Variants in PUS7 observed in about 807,000 individuals in gnomAD.
PUS7 encodes pseudouridylate synthase 7 homolog.
PUS7 carries 48 observed loss-of-function variants against 79.8 expected under a neutral mutation model. That is an observed-to-expected ratio of 0.60 (90% CI 0.48 to 0.76). PUS7 has a LOEUF of 0.76. Ranked by LOEUF, PUS7 falls within the 30% of genes least tolerant of loss-of-function variation. The pLI, the probability that PUS7 is intolerant of heterozygous loss-of-function variation, is 0.00. For missense variants in PUS7, 729 were observed against 797.6 expected, an observed-to-expected ratio of 0.91 and a Z score of 1.04; for synonymous variants, 286 against 272.2, an observed-to-expected ratio of 1.05 and a Z score of -0.50.
chr7:105,514,663 CA>C (rs1825825005), intron 1 of PUS7, among the ~76,000 whole-genome samples: 1 of 152,090 alleles, frequency 6.6e-6, no homozygotes, highest in Non-Finnish European at 1.5e-5. Flanking sequence ...TTGGAATCCC[CA>C]AAACACTTTT....
At chr7:105,499,424 T>G (rs1447064893) in intron 5 of PUS7, among the ~76,000 whole-genome samples, 1 of 152,162 alleles carries the variant, frequency 6.6e-6, no homozygotes, top group Admixed American at 6.5e-5. Context: ...CCTGTACCTA[T>G]CACATGGCAG....
intron 1 of PUS7, among the ~76,000 whole-genome samples, chr7:105,509,808 C>A (rs6957192): frequency 0.14 from 20,863 of 152,002 alleles, 1,857 homozygotes; most frequent in South Asian, 0.26. Flanking sequence ...AAAACATTAA[C>A]AGCAATGAAA....
At chr7:105,474,560 A>C (rs1454344886) in intron 9 of PUS7, among the ~76,000 whole-genome samples, 1 of 151,212 alleles carries the variant, frequency 6.6e-6, no homozygotes, top group African/African-American at 2.4e-5. Context: ...CAAAGTCAGG[A>C]GATCAAGACC....
intron 14 of PUS7, 164 bp downstream of exon 14, chr7:105,462,457 G>T: frequency 2.8e-6 from 2 of 727,222 alleles, no homozygotes; most frequent in Non-Finnish European, 4.2e-6. Flanking sequence ...AAAAACAAAA[G>T]GTAAGTAAAA....
intron 7 of PUS7, among the ~76,000 whole-genome samples, chr7:105,489,565 C>A (rs1317551724): frequency 6.6e-6 from 1 of 152,148 alleles, no homozygotes; most frequent in African/African-American, 2.4e-5. Context: ...TTTACTCCTG[C>A]TCTCTTTCAA....
intron 13 of PUS7, among the ~76,000 whole-genome samples, chr7:105,463,465 G>T (rs966956019): frequency 2.0e-5 from 3 of 152,040 alleles, no homozygotes; most frequent in Non-Finnish European, 4.4e-5. Context: ...TAACATTTCT[G>T]TATTTCCCAC....
intron 12 of PUS7, among the ~76,000 whole-genome samples, chr7:105,467,253 T>C (rs892115476): frequency 3.3e-5 from 5 of 151,316 alleles, no homozygotes; most frequent in African/African-American, 1.2e-4. Flanking sequence ...GGGCATAGCA[T>C]ATACTAAATG....
At chr7:105,495,434 C>A in intron 5 of PUS7, 181 bp from the exon 6 acceptor site, 2 of 480,124 alleles carry the variant, frequency 4.2e-6, no homozygotes, top group South Asian at 5.9e-5. Context: ...GGACACTTAA[C>A]ATTATCTATC....
At chr7:105,486,254 T>C (rs954903684) in intron 7 of PUS7, among the ~76,000 whole-genome samples, 1 of 151,796 alleles carries the variant, frequency 6.6e-6, no homozygotes, top group Non-Finnish European at 1.5e-5. Context: ...GGTTTCACCA[T>C]GTTGGCAAGG....
intron 15 of PUS7, 128 bp downstream of exon 15, chr7:105,459,040 C>A: frequency 1.9e-6 from 1 of 523,870 alleles, no homozygotes; most frequent in Non-Finnish European, 3.4e-6. Flanking sequence ...AAAGTAAGGT[C>A]ATAAAACACA....
At chr7:105,470,590 C>T (rs1257639570) in intron 11 of PUS7, 98 bp downstream of exon 11, 8 of 1,348,548 alleles carry the variant, frequency 5.9e-6, no homozygotes, top group Admixed American at 2.4e-5. Flanking sequence ...CCTTATTTAC[C>T]TTCTGCTCTT....
intron 1 of PUS7, among the ~76,000 whole-genome samples, chr7:105,521,531 G>C (rs960910943): frequency 6.6e-6 from 1 of 152,218 alleles, no homozygotes; most frequent in African/African-American, 2.4e-5. Context: ...GCAGTCCCCA[G>C]AGCCCGCGTG....
intron 2 of PUS7, among the ~76,000 whole-genome samples, chr7:105,506,874 C>G (rs1825485201): frequency 6.6e-6 from 1 of 152,070 alleles, no homozygotes; most frequent in South Asian, 2.1e-4. Flanking sequence ...ATTCAGGCAG[C>G]CCACACTAAA....
chr7:105,520,861 G>A lies in PUS7; in HGVS notation c.-33+1191C>T, dbSNP rs975467109. On this transcript the variant is annotated intron_variant, in intron 1 of 15. Coordinates refer to ENST00000469408, the MANE Select transcript of PUS7 (RefSeq NM_019042.5). ...GAGGCCAGGCTGGGCAACACAGCGA[G>A]ACCCTGTGTGGTGGCACATGCCTAT... Among the ~76,000 whole-genome samples, 4 of 152,026 alleles carry A rather than the reference G, an allele frequency of 2.6e-5. No homozygotes were observed. In the East Asian group the frequency reaches 7.8e-4, roughly 30 times the overall value.
intron 13 of PUS7, 57 bp from the exon 14 acceptor site, chr7:105,462,807 A>C: frequency 6.6e-7 from 1 of 1,520,028 alleles, no homozygotes; most frequent in Non-Finnish European, 9.0e-7. Context: ...AGTTATCCTG[A>C]ACTAGATTAT....
chr7:105,509,774 T>C (rs538911974), intron 1 of PUS7, among the ~76,000 whole-genome samples: 8 of 152,352 alleles, frequency 5.3e-5, no homozygotes, highest in Admixed American at 2.0e-4. Flanking sequence ...CCACCCTGCC[T>C]GGCCACAGTG....
intron 5 of PUS7, among the ~76,000 whole-genome samples, chr7:105,500,797 C>T (rs1216541907): frequency 1.3e-5 from 2 of 152,238 alleles, no homozygotes; most frequent in Non-Finnish European, 2.9e-5. Context: ...CAATCACTTT[C>T]CACTGGGCTT....
chr7:105,457,912 C>T lies in PUS7; in HGVS notation c.1864G>A (p.Ala622Thr), dbSNP rs1015944524. The T allele has an allele frequency of 1.9e-6, 3 of 1,613,698 alleles. No individual in the cohort carries two copies. The highest frequency in any genetic ancestry group is 2.5e-6 in the Non-Finnish European group (3 of 1,179,796). ...PVFASEGKYR[A>T]LKMDFSLPPS... ...GGTAGAGAAAAATCCATTTTCAGAG[C>T]CCTGTATTTGCCTTCTGCAAGGCAA... Residue 622 changes from alanine (A) to threonine (T), a missense_variant, in exon 16 of 16, where the codon GCT becomes ACT. By Grantham distance (58) the Ala-to-Thr change is moderately conservative (BLOSUM62 0). Transcript: ENST00000469408.
intron 7 of PUS7, among the ~76,000 whole-genome samples, chr7:105,486,682 G>A (rs879215877): frequency 5.9e-5 from 9 of 152,056 alleles, no homozygotes; most frequent in Admixed American, 3.3e-4. Flanking sequence ...AGAGTGTTCC[G>A]GAGACTGCTT....
Sources: allele counts gnomAD v4.1 joint callset (sites outside exome capture counted in the v4.1 genomes callset), GRCh38; gene constraint gnomAD v4.1.1; transcripts MANE v1.5; gene names NCBI Gene and HGNC (gene_info 2026-07-23, HGNC 2026-07-21).